The following TMEM108 variants were observed in gnomAD, a reference collection of about 807,000 sequenced individuals.
The protein encoded by TMEM108 is transmembrane protein 108.
TMEM108 carries 12 observed loss-of-function variants against 35.1 expected under a neutral mutation model. The observed-to-expected ratio is 0.34, with a 90% CI of 0.22 to 0.55. TMEM108 has a LOEUF of 0.55. Among genes scored for constraint, TMEM108 ranks in the 20% least tolerant of loss-of-function variants. The pLI is 0.89. For missense variants in TMEM108, 680 were observed against 753.3 expected (o/e 0.90, Z 1.14); for synonymous variants, 287 against 308.6 (o/e 0.93, Z 0.73).
chr3:133,309,230 C>T (rs560022276), intron 3 of TMEM108, among the ~76,000 whole-genome samples: 143 of 151,988 alleles, frequency 9.4e-4, no homozygotes, highest in African/African-American at 2.7e-3. Flanking sequence ...TTTTTTATTG[C>T]GTCTATTTGA....
intron 3 of TMEM108, among the ~76,000 whole-genome samples, chr3:133,354,457 G>A (rs1405105749): frequency 2.0e-5 from 3 of 152,230 alleles, no homozygotes; most frequent in African/African-American, 7.2e-5. Flanking sequence ...ATCTCCACGG[G>A]AGCTTTGCAG....
intron 2 of TMEM108, among the ~76,000 whole-genome samples, chr3:133,139,854 C>T (rs1221003774): frequency 2.0e-5 from 3 of 152,142 alleles, no homozygotes; most frequent in Admixed American, 2.0e-4. Context: ...GCACTGTTTT[C>T]CATGCCCTGT....
At chr3:133,301,515 G>A (rs1356568371) in intron 3 of TMEM108, among the ~76,000 whole-genome samples, 1 of 152,128 alleles carries the variant, frequency 6.6e-6, no homozygotes, top group East Asian at 1.9e-4. Flanking sequence ...ATTAGTTTCA[G>A]TAATGAGAAT....
At chr3:133,255,921 G>A (rs888636455) in intron 3 of TMEM108, among the ~76,000 whole-genome samples, 1 of 152,058 alleles carries the variant, frequency 6.6e-6, no homozygotes, top group African/African-American at 2.4e-5. Flanking sequence ...CCTAGAAGGC[G>A]GAGCTTGCAG....
At chr3:133,284,421 G>A (rs2107690714) in intron 3 of TMEM108, among the ~76,000 whole-genome samples, 1 of 152,294 alleles carries the variant, frequency 6.6e-6, no homozygotes, top group African/African-American at 2.4e-5. Flanking sequence ...CCTCCCACCT[G>A]GGGGCCTACC....
At chr3:133,114,854 C>T (rs1245220634) in intron 2 of TMEM108, among the ~76,000 whole-genome samples, 2 of 152,122 alleles carry the variant, frequency 1.3e-5, no homozygotes, top group African/African-American at 2.4e-5. Flanking sequence ...ATGTATTACT[C>T]GAGATGCAAG....
At chr3:133,212,048 G>C (rs987976947) in intron 2 of TMEM108, among the ~76,000 whole-genome samples, 3 of 152,134 alleles carry the variant, frequency 2.0e-5, no homozygotes, top group Admixed American at 6.5e-5. Context: ...CAGGCTGGCT[G>C]GAGGACTTGC....
At chr3:133,043,549 A>G (rs1472378445) in intron 1 of TMEM108, among the ~76,000 whole-genome samples, 1 of 152,130 alleles carries the variant, frequency 6.6e-6, no homozygotes, top group Admixed American at 6.5e-5. Context: ...ACTCTTTCCT[A>G]ATTTTACCAA....
At chr3:133,355,051 G>A (rs977276057) in intron 3 of TMEM108, among the ~76,000 whole-genome samples, 10 of 152,086 alleles carry the variant, frequency 6.6e-5, no homozygotes, top group East Asian at 3.9e-4. Flanking sequence ...TACCAAGTTC[G>A]CACCTACAAG....
rs5852749 is a variant in TMEM108, at chr3:133,396,150, TAA to T, written c.*177_*178del. The T allele has an allele frequency of 0.088, 19,107 of 216,142 alleles. 386 individuals are homozygous for T. Among genetic ancestry groups the T allele is most frequent in the Non-Finnish European group, 0.1 (12,316 of 121,446 alleles). 13.4% of individuals were successfully genotyped at this position (216,142 alleles called of 1,614,324 possible). A position where few individuals can be genotyped will look rare whatever the true frequency, so the allele number is the denominator to read the frequency against. On this transcript the variant is annotated 3_prime_UTR_variant, in exon 6 of 6. Transcript: ENST00000321871. Reference sequence around the variant, plus strand: ...CAACATCTTTTTTACAAGTGTGGTTTAAAAAAAAAAAAAACTTTACAGAATGA... The same window carrying T: ...CAACATCTTTTTTACAAGTGTGGTTTAAAAAAAAAAAACTTTACAGAATGA...
At position 133,317,606 on chromosome 3, in the gene TMEM108, A is replaced by G. The variant is rs529347189; in HGVS notation, c.41-62146A>G. ...TAGAAATGTGATGAGCATTAACAAT[A>G]GTAATTGCTTGCAACCTTTAATGTC... On this transcript the variant is annotated intron_variant, in intron 3 of 5. Transcript: ENST00000321871. Among the ~76,000 whole-genome samples, 379 of 151,302 alleles carry G rather than the reference A, an allele frequency of 2.5e-3. 1 individual carries two copies. The highest frequency in any genetic ancestry group is 8.7e-3 in the African/African-American group (359 of 41,332).
At chr3:133,103,245 A>C (rs1559833086) in intron 2 of TMEM108, among the ~76,000 whole-genome samples, 8 of 152,230 alleles carry the variant, frequency 5.3e-5, no homozygotes. Context: ...ATGGAATACT[A>C]TGCAGCCATA....
intron 2 of TMEM108, among the ~76,000 whole-genome samples, chr3:133,191,490 G>A (rs1945496981): frequency 6.6e-6 from 1 of 152,096 alleles, no homozygotes; most frequent in Non-Finnish European, 1.5e-5. Context: ...ACAATCATAC[G>A]AGTATATTTT....
At chr3:133,390,421 G>A (rs1334417353) in intron 5 of TMEM108, 87 bp downstream of exon 5, 2 of 1,464,018 alleles carry the variant, frequency 1.4e-6, no homozygotes, top group Admixed American at 1.8e-5. Flanking sequence ...TGAGTGCCTT[G>A]CTCCTTAACG....
At chr3:133,172,865 A>C (rs1012729643) in intron 2 of TMEM108, among the ~76,000 whole-genome samples, 10 of 152,086 alleles carry the variant, frequency 6.6e-5, no homozygotes, top group African/African-American at 2.4e-4. Context: ...TGTTCTTGTG[A>C]TAGTAAATCT....
chr3:133,171,021 A>G (rs929524806), intron 2 of TMEM108, among the ~76,000 whole-genome samples: 5 of 152,194 alleles, frequency 3.3e-5, no homozygotes, highest in Admixed American at 3.3e-4. Flanking sequence ...GCTGGTCATG[A>G]GTAGATATTT....
In TMEM108 at chr3:133,260,348, G is replaced by A. The variant is rs1244862210; in HGVS notation, c.40+30997G>A. ...TCCCTACTAAGCAGAGAATTAATGG[G>A]GTTACTATGATGGCATGTGATTAGT... On this transcript the variant is annotated intron_variant, in intron 3 of 5. Transcript: ENST00000321871. Among the ~76,000 whole-genome samples the A allele has an allele frequency of 4.6e-5, 7 of 152,054 alleles. No homozygotes were observed. The East Asian group carries it at 7.7e-4, about 17-fold the overall frequency.
At chr3:133,203,960 C>T (rs1314756294) in intron 2 of TMEM108, among the ~76,000 whole-genome samples, 1 of 152,132 alleles carries the variant, frequency 6.6e-6, no homozygotes, top group East Asian at 1.9e-4. Context: ...TAATTACTAC[C>T]TCAGTTTCAG....
At chr3:133,336,423 C>T (rs2071504713) in intron 3 of TMEM108, among the ~76,000 whole-genome samples, 1 of 152,072 alleles carries the variant, frequency 6.6e-6, no homozygotes, top group Non-Finnish European at 1.5e-5. Flanking sequence ...GGGCAACAGT[C>T]AGAGTATGAG....
Sources: allele counts gnomAD v4.1 joint callset (sites outside exome capture counted in the v4.1 genomes callset), GRCh38; gene constraint gnomAD v4.1.1; transcripts MANE v1.5; gene names NCBI Gene and HGNC (gene_info 2026-07-23, HGNC 2026-07-21).